The following DERPC variants were observed in gnomAD, a reference collection of about 807,000 sequenced individuals.
The protein encoded by DERPC is DERPC proline and glycine rich nuclear protein.
A neutral mutation model predicts 7.2 loss-of-function variants in DERPC; 1 was observed. That is an observed-to-expected ratio of 0.14 (90% CI 0.05 to 0.66). The LOEUF (loss-of-function observed/expected upper bound fraction) is 0.66. Among genes scored for constraint, DERPC ranks in the 30% least tolerant of loss-of-function variants. The pLI, the probability that DERPC is intolerant of heterozygous loss-of-function variation, is 0.84. For synonymous variants in DERPC, 185 were observed against 117.6 expected, an observed-to-expected ratio of 1.57 and a Z score of -3.71; for missense variants, 502 against 299.4, an observed-to-expected ratio of 1.68 and a Z score of -4.99.
intron 1 of DERPC, among the ~76,000 whole-genome samples, chr16:69,124,159 C>A (rs1961892302): frequency 6.6e-6 from 1 of 151,912 alleles, no homozygotes; most frequent in Non-Finnish European, 1.5e-5. Context: ...ACAGCAGCAC[C>A]ACCTGGTGGC....
rs1192371081 is a variant in DERPC at position 69,120,115 on chromosome 16, G to C, written c.314C>G (p.Thr105Ser). The change falls in exon 3 of 3, where the codon ACT becomes AGT. Residue 105 changes from threonine to serine, a missense_variant. Coordinates refer to ENST00000519520, the MANE Select transcript of DERPC (RefSeq NM_001002847.4). This position sits in a 1 kb window ranked among gnomAD's most constrained non-coding sequence, Gnocchi z 4.0. ...MASFPRGMNP[T>S]GTGAVSFPRP... The stretch of plus-strand genomic sequence containing the variant: ...TGGGAAAGAAACTGCACCTGTGCCA[G>C]TGGGATTCATCCCTCTTGGAAAAGA... The C allele has an allele frequency of 1.4e-6, 1 of 700,986 alleles. No individual in the cohort carries two copies. Among genetic ancestry groups the C allele is most frequent in the Non-Finnish European group, 2.6e-6 (1 of 384,648 alleles). 43.4% of individuals were successfully genotyped at this position (700,986 alleles called of 1,614,324 possible). A position where few individuals can be genotyped will look rare whatever the true frequency, so the allele number is the denominator to read the frequency against.
intron 1 of DERPC, among the ~76,000 whole-genome samples, chr16:69,123,843 T>G (rs2152268863): frequency 6.6e-6 from 1 of 151,310 alleles, no homozygotes; most frequent in African/African-American, 2.4e-5. Flanking sequence ...ATTCCAGAAC[T>G]TTGGGAGACC....
Position 69,121,368 on chromosome 16 carries a change from G to A in DERPC, c.-222+68C>T. ...GCACCTAAGGACCCTGATTCTTCCA[G>A]ACACATGGCACACCTCTATAGCCCT... On this transcript the variant is annotated intron_variant, in intron 2 of 2. Coordinates refer to ENST00000519520, the MANE Select transcript of DERPC (RefSeq NM_001002847.4). 4.9e-6 allele frequency: 7 copies of A among 1,415,756 alleles called. 1 individual carries two copies. In the South Asian group the frequency reaches 7.6e-5, roughly 15 times the overall value. The allele number at this position is 1,415,756 out of a possible 1,614,324, so 87.7% of individuals were successfully genotyped here.
At chr16:69,129,957 G>A (rs1020429339) in intron 1 of DERPC, among the ~76,000 whole-genome samples, 2 of 152,200 alleles carry the variant, frequency 1.3e-5, no homozygotes, top group Non-Finnish European at 2.9e-5. Flanking sequence ...TCTACTCAAT[G>A]CCACCTCTAG....
Position 69,119,305 on chromosome 16 carries a change from G to A in DERPC, c.1124C>T (p.Ser375Phe), listed in dbSNP as rs1008691543. 5.7e-6 allele frequency: 4 copies of A among 702,992 alleles called. No individual in the cohort carries two copies. The highest frequency in any genetic ancestry group is 4.0e-5 in the Admixed American group (2 of 50,008). The allele number at this position is 702,992 out of a possible 1,614,324, so 43.5% of individuals were successfully genotyped here. The change falls in exon 3 of 3, where the codon TCT (serine) becomes TTT (phenylalanine). Residue 375 changes from serine to phenylalanine, a missense_variant. Transcript: ENST00000519520. ...AGCTGGGTTTGATGCCAATGTGCCA[G>A]AAGACTGAGAAAAGGCAGATGAACC... ...GAGSSAFSQS[S>F]GTLASNPATF...
At chr16:69,127,516 A>G (rs1361190420) in intron 1 of DERPC, among the ~76,000 whole-genome samples, 2 of 151,746 alleles carry the variant, frequency 1.3e-5, no homozygotes, top group Non-Finnish European at 2.9e-5. Flanking sequence ...CTCTATCAAG[A>G]GCATCTGAAG....
At chr16:69,126,372 T>G (rs761179081) in intron 1 of DERPC, among the ~76,000 whole-genome samples, 16 of 152,186 alleles carry the variant, frequency 1.1e-4, no homozygotes, top group Non-Finnish European at 2.1e-4. Flanking sequence ...GAAAACACAT[T>G]TGGTTGCTGG....
rs886296218 is a variant in DERPC at position 69,118,275 on chromosome 16, G to A, written c.*579C>T. ...TAAGTCCCAGGAGAAGGGAGCTGCA[G>A]GCCCAGTCAGTCAAGCAGAAACTGC... On this transcript the variant is annotated 3_prime_UTR_variant, in exon 3 of 3. Transcript: ENST00000519520. 1.1e-5 allele frequency: 10 copies of A among 888,532 alleles called. No homozygotes were observed. The highest frequency in any genetic ancestry group is 1.6e-5 in the African/African-American group (1 of 60,764). 55.0% of individuals were successfully genotyped at this position (888,532 alleles called of 1,614,324 possible).
At chr16:69,127,288 C>G (rs1300806230) in intron 1 of DERPC, among the ~76,000 whole-genome samples, 1 of 150,746 alleles carries the variant, frequency 6.6e-6, no homozygotes, top group African/African-American at 2.4e-5. Flanking sequence ...GTGCCCCCAT[C>G]CCCTTGAGAG....
In DERPC at chr16:69,119,265, G is replaced by A. The variant is rs540471675; in HGVS notation, c.1164C>T (p.Ser388=). The stretch of plus-strand genomic sequence containing the variant: ...TTGGATTTGAGCCCTGGAGGCCAGC[G>A]GACCTTTGGAAGGTAGCTGGGTTTG... ...LASNPATFQR[S]AGLQGSNPTI... Residue 388 remains serine, a synonymous_variant, in exon 3 of 3, where the codon TCC becomes TCT. Coordinates refer to ENST00000519520, the MANE Select transcript of DERPC (RefSeq NM_001002847.4). The A allele has an allele frequency of 5.8e-5, 41 of 703,020 alleles. No homozygotes were observed. The highest frequency in any genetic ancestry group is 3.7e-4 in the African/African-American group (21 of 57,392). 43.5% of individuals were successfully genotyped at this position (703,020 alleles called of 1,614,324 possible). A position where few individuals can be genotyped will look rare whatever the true frequency, so the allele number is the denominator to read the frequency against.
intron 1 of DERPC, among the ~76,000 whole-genome samples, chr16:69,122,390 T>A (rs1961741824): frequency 6.6e-6 from 1 of 151,972 alleles, no homozygotes. Context: ...TTCTTTTTCT[T>A]GAGACCAAGT....
At position 69,119,577 on chromosome 16, in the gene DERPC, A is replaced by G. The variant is rs1393657159; in HGVS notation, c.852T>C (p.Leu284=). ...DLAPILRAAG[L]LGANSASFSQ... ...AGAAAGAAGCTGAATTTGCTCCTAA[A>G]AGACCTGCTGCTCTTAGAATGGGGG... Residue 284 remains leucine (L), a synonymous_variant, in exon 3 of 3, where the codon CTT becomes CTC. Transcript: ENST00000519520. 5.7e-6 allele frequency: 4 copies of G among 702,368 alleles called. No homozygotes were observed. Among genetic ancestry groups the G allele is most frequent in the Non-Finnish European group, 1.0e-5 (4 of 384,690 alleles). 43.5% of individuals were successfully genotyped at this position (702,368 alleles called of 1,614,324 possible). A position where few individuals can be genotyped will look rare whatever the true frequency, so the allele number is the denominator to read the frequency against.
At chr16:69,132,450 C>T (rs1480052382) in intron 1 of DERPC, 34 bp downstream of exon 1, 2 of 182,644 alleles carry the variant, frequency 1.1e-5, no homozygotes, top group African/African-American at 5.8e-5. Flanking sequence ...CCTCGCTCCC[C>T]GCAGCCTCCC....
intron 1 of DERPC, among the ~76,000 whole-genome samples, chr16:69,127,195 G>A (rs922725755): frequency 1.3e-5 from 2 of 150,188 alleles, no homozygotes; most frequent in African/African-American, 2.5e-5. Flanking sequence ...CTGAGATTGC[G>A]CCACCACACT....
chr16:69,118,646 T>A lies in DERPC; in HGVS notation c.*208A>T. On this transcript the variant is annotated 3_prime_UTR_variant, in exon 3 of 3. Coordinates refer to ENST00000519520, the MANE Select transcript of DERPC (RefSeq NM_001002847.4). Reference sequence around the variant, plus strand: ...GAGATCCTTTCTCTCAAGGGCAGGATTATTCCCACCTGCCACAGTTCACAT... The same window carrying A: ...GAGATCCTTTCTCTCAAGGGCAGGAATATTCCCACCTGCCACAGTTCACAT... The A allele has an allele frequency of 1.4e-6, 1 of 697,416 alleles. No homozygotes were observed. The highest frequency in any genetic ancestry group is 2.6e-6 in the Non-Finnish European group (1 of 381,748). The allele number at this position is 697,416 out of a possible 1,614,324, so 43.2% of individuals were successfully genotyped here.
At chr16:69,130,178 G>A (rs1014473558) in intron 1 of DERPC, among the ~76,000 whole-genome samples, 1 of 152,176 alleles carries the variant, frequency 6.6e-6, no homozygotes, top group African/African-American at 2.4e-5. Flanking sequence ...ATAAAATGTG[G>A]CAGAAGAAAG....
At position 69,127,094 on chromosome 16, in the gene DERPC, C is replaced by T. The variant is rs558084411; in HGVS notation, c.-280+5390G>A. Among the ~76,000 whole-genome samples the T allele has an allele frequency of 2.3e-4, 35 of 152,100 alleles. No individual in the cohort carries two copies. In the Middle Eastern group the frequency reaches 0.017, roughly 74 times the overall value. On this transcript the variant is annotated intron_variant, in intron 1 of 2. Coordinates refer to ENST00000519520, the MANE Select transcript of DERPC (RefSeq NM_001002847.4). ...CTCTACCAAAAATACAAAAATTAGC[C>T]GCGCGTGGTGGCGGGTGCCTGTAAT...
chr16:69,131,008 G>A lies in DERPC; in HGVS notation c.-280+1476C>T, dbSNP rs547904141. 1.3e-3 allele frequency among the ~76,000 whole-genome samples: 192 copies of A among 152,248 alleles called. 1 individual carries two copies. The highest frequency in any genetic ancestry group is 4.5e-3 in the African/African-American group (187 of 41,548). On this transcript the variant is annotated intron_variant, in intron 1 of 2. Transcript: ENST00000519520. ...AACGTTTTACATACAACCGAATACA[G>A]ATTATTTTTATTTGTAGTGTTATCG...
At chr16:69,128,439 C>T (rs575741476) in intron 1 of DERPC, among the ~76,000 whole-genome samples, 1 of 152,274 alleles carries the variant, frequency 6.6e-6, no homozygotes, top group South Asian at 2.1e-4. Flanking sequence ...ATAAAGAAAA[C>T]CAAACCTTTC....
Sources: gnomAD v4.1 joint callset for allele counts (sites outside exome capture counted in the v4.1 genomes callset) on GRCh38, gnomAD v4.1.1 for gene constraint, Gnocchi (gnomAD v3.1) non-coding constraint, MANE v1.5 for transcripts, NCBI Gene and HGNC (gene_info 2026-07-23, HGNC 2026-07-21) for gene names.